PTPRM: variants seen among roughly 807,000 people sequenced by gnomAD.
PTPRM encodes receptor-type tyrosine-protein phosphatase mu.
PTPRM carries 47 observed loss-of-function variants against 186.7 expected under a neutral mutation model. The ratio of observed to expected loss-of-function variants is 0.25; its 90% CI spans 0.20 to 0.32. The LOEUF (loss-of-function observed/expected upper bound fraction) is 0.32, where lower values mean the gene tolerates loss of function less well. Among genes scored for constraint, PTPRM ranks in the 10% least tolerant of loss-of-function variants. The pLI is 1.00. For synonymous variants in PTPRM, 668 were observed against 674.9 expected, an observed-to-expected ratio of 0.99 and a Z score of 0.16; for missense variants, 1,494 against 1,865.0, an observed-to-expected ratio of 0.80 and a Z score of 3.66.
chr18:8,393,722 A>T (rs653558), intron 31 of PTPRM, among the ~76,000 whole-genome samples: 1 of 151,918 alleles, frequency 6.6e-6, no homozygotes, highest in South Asian at 2.1e-4. Context: ...CATAGTAAAA[A>T]GTTTTCTTTA....
At chr18:7,736,227 A>G (rs1472209336) in intron 1 of PTPRM, among the ~76,000 whole-genome samples, 1 of 152,176 alleles carries the variant, frequency 6.6e-6, no homozygotes, top group Non-Finnish European at 1.5e-5. Flanking sequence ...GAAGGGTCAC[A>G]ACTGCTTAGC....
At chr18:8,388,225 G>A (rs553499810) in intron 31 of PTPRM, among the ~76,000 whole-genome samples, 8 of 152,222 alleles carry the variant, frequency 5.3e-5, no homozygotes, top group Non-Finnish European at 1.2e-4. Flanking sequence ...GATGTTTAGA[G>A]AATTTGGGGA....
At chr18:8,089,850 C>G (rs1164096505) in intron 11 of PTPRM, among the ~76,000 whole-genome samples, 1 of 151,922 alleles carries the variant, frequency 6.6e-6, no homozygotes, top group Admixed American at 6.6e-5. Flanking sequence ...TAAGTAAAAC[C>G]AGAATAGTAT....
At chr18:8,187,208 A>C (rs1601093597) in intron 14 of PTPRM, among the ~76,000 whole-genome samples, 1 of 152,048 alleles carries the variant, frequency 6.6e-6, no homozygotes, top group Non-Finnish European at 1.5e-5. Context: ...TCAAAGTCCT[A>C]GGATTACAGG....
At chr18:8,121,248 A>T (rs1282908588) in intron 13 of PTPRM, among the ~76,000 whole-genome samples, 1 of 152,212 alleles carries the variant, frequency 6.6e-6, no homozygotes, top group Non-Finnish European at 1.5e-5. Flanking sequence ...AATATTATGC[A>T]GCAGCAGTTT....
At chr18:7,608,980 G>T (rs1388272576) in intron 1 of PTPRM, among the ~76,000 whole-genome samples, 1 of 152,298 alleles carries the variant, frequency 6.6e-6, no homozygotes, top group East Asian at 1.9e-4. Flanking sequence ...CCATAAGGTC[G>T]ACTGATTAGA....
intron 7 of PTPRM, among the ~76,000 whole-genome samples, chr18:8,050,201 G>C (rs895410053): frequency 6.6e-6 from 1 of 152,218 alleles, no homozygotes; most frequent in East Asian, 1.9e-4. Context: ...ACAGCAGATA[G>C]ATTTGCTTGA....
intron 2 of PTPRM, among the ~76,000 whole-genome samples, chr18:7,863,162 G>C (rs1232411338): frequency 1.3e-5 from 2 of 152,048 alleles, no homozygotes; most frequent in Non-Finnish European, 1.5e-5. Flanking sequence ...GCAGTTTCAT[G>C]TGCGTAGGTG....
chr18:7,960,480 T>TATATATATATACATATATACAC (rs1300573371), intron 7 of PTPRM, among the ~76,000 whole-genome samples: 1 of 86,602 alleles, frequency 1.2e-5, no homozygotes, highest in African/African-American at 4.4e-5. Context: ...TATATATATA[T>TATATATATATACATATATACAC]ACACACACAC....
intron 14 of PTPRM, among the ~76,000 whole-genome samples, chr18:8,196,728 G>A (rs1418867125): frequency 6.6e-6 from 1 of 152,224 alleles, no homozygotes; most frequent in Non-Finnish European, 1.5e-5. Flanking sequence ...TAAATTGTGT[G>A]TGACGTTGAC....
chr18:8,056,309 A>G (rs2087932708), intron 7 of PTPRM, among the ~76,000 whole-genome samples: 1 of 152,230 alleles, frequency 6.6e-6, no homozygotes, highest in Non-Finnish European at 1.5e-5. Context: ...TTGAAATACT[A>G]TGCCAAATAA....
chr18:8,272,676 C>A (rs1159179503), intron 19 of PTPRM, among the ~76,000 whole-genome samples: 3 of 152,098 alleles, frequency 2.0e-5, no homozygotes, highest in Non-Finnish European at 2.9e-5. Context: ...TCAGAACATT[C>A]ATTGCAATTT....
In PTPRM at chr18:7,949,168, C is replaced by A; in HGVS notation, c.664-13C>A. On this transcript the variant is annotated splice_polypyrimidine_tract_variant and intron_variant, in intron 5 of 32. Coordinates refer to ENST00000580170, the MANE Select transcript of PTPRM (RefSeq NM_001105244.2). ...ATTGCTTCTTTTTGTCCTCCCCACC[C>A]CACTTGATACAGGGCATTGATGTGC... is the stretch of plus-strand genomic sequence containing the variant. 6.3e-7 allele frequency: 1 copy of A among 1,583,262 alleles called. No homozygotes were observed. The highest frequency in any genetic ancestry group is 1.1e-5 in the South Asian group (1 of 89,164).
rs144916949 is a variant in PTPRM, at chr18:7,945,805, C to G, written c.664-3376C>G. 2.0e-5 allele frequency among the ~76,000 whole-genome samples: 3 copies of G among 152,190 alleles called. No individual in the cohort carries two copies. The East Asian group carries it at 5.8e-4, about 29-fold the overall frequency. ...GTGTGTGCCCCATAAAAGACTGTCA[C>G]TGAATATTGGTTGAACGAATGCCTG... On this transcript the variant is annotated intron_variant, in intron 5 of 32. Coordinates refer to ENST00000580170, the MANE Select transcript of PTPRM (RefSeq NM_001105244.2).
Position 7,571,981 on chromosome 18 carries a change from A to G in PTPRM, c.73+4090A>G, listed in dbSNP as rs369759165. On this transcript the variant is annotated intron_variant, in intron 1 of 32. Transcript: ENST00000580170. ...TATTTTTTCTTTTTCAGATAACTATAGTCATAGCATTTTACATTTTCAAGG... is the reference window on the plus strand; with the variant it reads ...TATTTTTTCTTTTTCAGATAACTATGGTCATAGCATTTTACATTTTCAAGG... 2.6e-5 allele frequency among the ~76,000 whole-genome samples: 4 copies of G among 152,184 alleles called. 1 individual carries two copies. The East Asian group carries it at 7.7e-4, about 29-fold the overall frequency.
intron 14 of PTPRM, among the ~76,000 whole-genome samples, chr18:8,221,360 G>A (rs2094151140): frequency 6.6e-6 from 1 of 152,156 alleles, no homozygotes; most frequent in Non-Finnish European, 1.5e-5. Context: ...CAAGTACCTA[G>A]CCCAGTGCTG....
intron 14 of PTPRM, among the ~76,000 whole-genome samples, chr18:8,222,572 T>C (rs1299651140): frequency 6.6e-6 from 1 of 152,186 alleles, no homozygotes; most frequent in African/African-American, 2.4e-5. Flanking sequence ...AAATAAGTTT[T>C]CATCTGAGCG....
At chr18:7,936,124 G>T (rs371691073) in intron 5 of PTPRM, among the ~76,000 whole-genome samples, 1 of 152,206 alleles carries the variant, frequency 6.6e-6, no homozygotes, top group Non-Finnish European at 1.5e-5. Context: ...CTGGGAACAG[G>T]TAGAAGCCCC....
intron 1 of PTPRM, among the ~76,000 whole-genome samples, chr18:7,626,112 C>T (rs2038055681): frequency 6.6e-6 from 1 of 152,224 alleles, no homozygotes; most frequent in South Asian, 2.1e-4. Context: ...ACCTTTTCCT[C>T]TGATGACATT....
Sources: gnomAD v4.1 joint callset for allele counts (sites outside exome capture counted in the v4.1 genomes callset) on GRCh38, gnomAD v4.1.1 for gene constraint, MANE v1.5 for transcripts, NCBI Gene and HGNC (gene_info 2026-07-23, HGNC 2026-07-21) for gene names.